Variants in UGT2B7 observed in about 807,000 individuals in gnomAD.
UGT2B7 encodes the protein UDP-glucuronosyltransferase 2B7.
UGT2B7 carries 51 observed loss-of-function variants against 51.9 expected under a neutral mutation model. The observed-to-expected ratio is 0.98, with a 90% CI of 0.78 to 1.24. UGT2B7 has a LOEUF of 1.24. Among genes scored for constraint, UGT2B7 ranks in the 50% most tolerant of loss-of-function variants. UGT2B7 has a pLI of 0.00. For synonymous variants in UGT2B7, 225 were observed against 211.6 expected, an observed-to-expected ratio of 1.06 and a Z score of -0.55; for missense variants, 727 against 628.4, an observed-to-expected ratio of 1.16 and a Z score of -1.68.
In UGT2B7 at chr4:69,076,483, C is replaced by T. The variant is rs150395224; in HGVS notation, c.-158-12989C>T. ...TTTTAATGATCACCATTCTAACTGG[C>T]GTGAGATGGTATTTCATTGTGGTTT... is the stretch of plus-strand genomic sequence containing the variant. On this transcript the variant is annotated intron_variant, in intron 1 of 5. Transcript: ENST00000502942. Among the ~76,000 whole-genome samples, 1,042 of 152,202 alleles carry T rather than the reference C, an allele frequency of 6.8e-3. 10 individuals are homozygous for T. The highest frequency in any genetic ancestry group is 0.023 in the African/African-American group (968 of 41,526).
chr4:69,109,009 A>G (rs1199582109), intron 5 of UGT2B7, among the ~76,000 whole-genome samples: 1 of 151,608 alleles, frequency 6.6e-6, no homozygotes, highest in African/African-American at 2.4e-5. Context: ...GGTGTTGTGA[A>G]ATGACATTTC....
chr4:69,088,697 AGCAGTT>A (rs757013301), intron 1 of UGT2B7, among the ~76,000 whole-genome samples: 12 of 152,140 alleles, frequency 7.9e-5, no homozygotes, highest in Non-Finnish European at 1.5e-4. Flanking sequence ...AGGAACACCA[AGCAGTT>A]GCTGAGATGT....
At chr4:69,083,275 G>C (rs981261646) in intron 1 of UGT2B7, among the ~76,000 whole-genome samples, 1 of 151,968 alleles carries the variant, frequency 6.6e-6, no homozygotes, top group Non-Finnish European at 1.5e-5. Context: ...CACTAATAAA[G>C]GTGTAAATTT....
In UGT2B7 at chr4:69,107,157, T is replaced by G. The variant is rs1475598098; in HGVS notation, c.1003-18T>G. On this transcript the variant is annotated intron_variant, in intron 3 of 5. Coordinates refer to ENST00000305231, the MANE Select transcript of UGT2B7 (RefSeq NM_001074.4). The stretch of plus-strand genomic sequence containing the variant: ...TGAATTCCACTCATGGAATAAAATA[T>G]TTTCTTTATTGTAACAGGTTCTGTG... The G allele has an allele frequency of 6.2e-7, 1 of 1,602,756 alleles. No individual in the cohort carries two copies. Among genetic ancestry groups the G allele is most frequent in the African/African-American group, 1.3e-5 (1 of 74,628 alleles).
intron 1 of UGT2B7, among the ~76,000 whole-genome samples, chr4:69,066,228 G>A (rs1718481472): frequency 1.3e-5 from 2 of 152,146 alleles, no homozygotes; most frequent in Admixed American, 1.3e-4. Context: ...ATGTAAACTT[G>A]TGTCATGGGG....
At chr4:69,076,521 C>T (rs1718710723) in intron 1 of UGT2B7, among the ~76,000 whole-genome samples, 1 of 152,194 alleles carries the variant, frequency 6.6e-6, no homozygotes, top group Non-Finnish European at 1.5e-5. Context: ...ATTTGCATTG[C>T]TCTAATGATG....
chr4:69,092,043 TC>T (rs1292622863), upstream of UGT2B7, among the ~76,000 whole-genome samples: 1 of 152,116 alleles, frequency 6.6e-6, no homozygotes, highest in Non-Finnish European at 1.5e-5. Flanking sequence ...CAAGTGATCC[TC>T]CCCACCAAAG....
chr4:69,102,296 A>G (rs1432807884), intron 2 of UGT2B7, among the ~76,000 whole-genome samples: 1 of 152,150 alleles, frequency 6.6e-6, no homozygotes, highest in Non-Finnish European at 1.5e-5. Flanking sequence ...AATTATCCCA[A>G]CTGTGAGTAG....
intron 2 of UGT2B7, among the ~76,000 whole-genome samples, chr4:69,091,465 A>T (rs1719083258): frequency 6.6e-6 from 1 of 152,152 alleles, no homozygotes; most frequent in African/African-American, 2.4e-5. Flanking sequence ...TATTTTTTAA[A>T]GGTTGGAACA....
At chr4:69,070,472 T>C (rs565932456) in intron 1 of UGT2B7, among the ~76,000 whole-genome samples, 25 of 148,718 alleles carry the variant, frequency 1.7e-4, no homozygotes, top group African/African-American at 6.1e-4. Flanking sequence ...AAGATCCTTG[T>C]TAAAAATTGC....
rs1369589412 is a variant in UGT2B7, at chr4:69,096,563, A to C, written c.43A>C (p.Ser15Arg). Reference sequence around the variant, plus strand: ...TTCAGTAATTTTGCTAATACAACTGAGCTTTTGCTTTAGCTCTGGGAATTG... The same window carrying C: ...TTCAGTAATTTTGCTAATACAACTGCGCTTTTGCTTTAGCTCTGGGAATTG... ...WTSVILLIQL[S>R]FCFSSGNCGK... The change falls in exon 1 of 6, where the codon AGC becomes CGC. Residue 15 changes from serine to arginine, a missense_variant. Coordinates refer to ENST00000305231, the MANE Select transcript of UGT2B7 (RefSeq NM_001074.4). 1.2e-6 allele frequency: 2 copies of C among 1,613,826 alleles called. No individual in the cohort carries two copies. The highest frequency in any genetic ancestry group is 1.7e-6 in the Non-Finnish European group (2 of 1,179,884).
chr4:69,074,427 A>AATATATATATATACATATATATATATAT (rs1718660327), intron 1 of UGT2B7, among the ~76,000 whole-genome samples: 1 of 116,066 alleles, frequency 8.6e-6, no homozygotes, highest in African/African-American at 3.3e-5. Context: ...CCTTATCTTA[A>AATATATATATATACATATATATATATAT]ATATATATAT....
At chr4:69,109,749 T>C (rs1395961765) in intron 5 of UGT2B7, among the ~76,000 whole-genome samples, 2 of 152,220 alleles carry the variant, frequency 1.3e-5, no homozygotes, top group Non-Finnish European at 2.9e-5. Flanking sequence ...TAATTGATTT[T>C]TTCAAACCCA....
intron 1 of UGT2B7, chr4:69,069,977 C>T (rs563427222): frequency 6.6e-6 from 1 of 151,928 alleles, no homozygotes; most frequent in Non-Finnish European, 1.5e-5. Flanking sequence ...GGAGTAAATT[C>T]TTTACTACAT....
intron 1 of UGT2B7, among the ~76,000 whole-genome samples, chr4:69,063,325 A>AAAAAAAAAAG (rs1718399833): frequency 3.2e-5 from 4 of 126,524 alleles, no homozygotes; most frequent in Non-Finnish European, 6.3e-5. Context: ...TCTCAAAAAA[A>AAAAAAAAAAG]AAAAAAAAAA....
intron 1 of UGT2B7, among the ~76,000 whole-genome samples, chr4:69,073,726 A>T (rs2109869724): frequency 8.2e-6 from 1 of 122,166 alleles, no homozygotes; most frequent in South Asian, 3.1e-4. Context: ...CAAGAAAACA[A>T]CTAGAAACAA....
intron 1 of UGT2B7, among the ~76,000 whole-genome samples, chr4:69,063,739 T>A (rs928862174): frequency 1.3e-5 from 2 of 152,112 alleles, no homozygotes; most frequent in East Asian, 3.9e-4. Flanking sequence ...TCTTAGGAGG[T>A]TGGTTTTCAT....
chr4:69,099,559 G>A (rs1247529296), intron 2 of UGT2B7, among the ~76,000 whole-genome samples: 1 of 151,926 alleles, frequency 6.6e-6, no homozygotes, highest in Non-Finnish European at 1.5e-5. Context: ...GCAGGATTCA[G>A]GTAGCAGATG....
chr4:69,086,022 A>G (rs4309908), intron 1 of UGT2B7, among the ~76,000 whole-genome samples: 92,362 of 151,236 alleles, frequency 0.61, 29,283 homozygotes, highest in African/African-American at 0.76. Context: ...TATAATCTTT[A>G]TTATATCCCT....
Sources: allele counts gnomAD v4.1 joint callset (sites outside exome capture counted in the v4.1 genomes callset), GRCh38; gene constraint gnomAD v4.1.1; transcripts MANE v1.5; gene names NCBI Gene and HGNC (gene_info 2026-07-23, HGNC 2026-07-21).